Variants in TTN observed in about 807,000 individuals in gnomAD.
The protein encoded by TTN is titin, also known as connectin.
TTN carries 1,525 observed loss-of-function variants against 3,223.0 expected under a neutral mutation model. That is an observed-to-expected ratio of 0.47 (90% CI 0.45 to 0.49). The LOEUF (loss-of-function observed/expected upper bound fraction) is 0.49, where lower values mean the gene tolerates loss of function less well. TTN is among the 20% of genes least tolerant of loss of function. TTN has a pLI of 0.00. For missense variants in TTN, 40,786 were observed against 43,424.0 expected (o/e 0.94, Z 5.40); for synonymous variants, 14,094 against 15,161.0 (o/e 0.93, Z 5.17).
rs761994900 is a variant in TTN, at chr2:178,540,195, A to C, written c.97971T>G (p.Ile32657Met). ...GTAGGTGTGTTAGAGTATACTCTCG[A>C]ATCTTGGTTGGAGTGGTGTTACACT... ...WTKCNTTPTK[I>M]REYTLTHLPQ... The change falls in exon 351 of 363, where the codon ATT becomes ATG. Residue 32657 changes from isoleucine (I) to methionine (M), a missense_variant. By Grantham distance (10) the Ile-to-Met change is conservative (BLOSUM62 1). Transcript: ENST00000589042. The C allele has an allele frequency of 2.5e-6, 4 of 1,613,764 alleles. No individual in the cohort carries two copies. Among genetic ancestry groups the C allele is most frequent in the Non-Finnish European group, 3.4e-6 (4 of 1,179,770 alleles).
Position 178,551,770 on chromosome 2 carries a change from G to A in TTN, c.91130C>T (p.Ser30377Leu). Reference protein sequence around the residue: ...NSILWQKVNTSPISGREYRAT... With the variant: ...NSILWQKVNTLPISGREYRAT... ...TCTATATTCTCTTCCAGAGATTGGT[G>A]ATGTATTAACTTTTTGCCAGAGGAT... The change falls in exon 335 of 363, where the codon TCA becomes TTA. Residue 30377 changes from serine (S) to leucine (L), a missense_variant. Coordinates refer to ENST00000589042, the MANE Select transcript of TTN (RefSeq NM_001267550.2). 1 of 1,613,834 alleles carries A rather than the reference G, an allele frequency of 6.2e-7. No homozygotes were observed. The highest frequency in any genetic ancestry group is 8.5e-7 in the Non-Finnish European group (1 of 1,179,790).
In TTN at chr2:178,617,137, G is replaced by A; in HGVS notation, c.47858C>T (p.Thr15953Ile). 2 of 1,609,352 alleles carry A rather than the reference G, an allele frequency of 1.2e-6. No individual in the cohort carries two copies. The highest frequency in any genetic ancestry group is 1.7e-6 in the Non-Finnish European group (2 of 1,177,608). Residue 15953 changes from threonine (T) to isoleucine (I), a missense_variant, in exon 255 of 363, where the codon ACC (threonine) becomes ATC (isoleucine). Physicochemically the swap from Thr to Ile is moderately conservative, Grantham distance 89 (BLOSUM62 -1). Coordinates refer to ENST00000589042, the MANE Select transcript of TTN (RefSeq NM_001267550.2). Reference sequence around the variant, plus strand: ...CTATTTACCAAATGCATCGTCAGCGGTGAGAGGACCAAGAATTTCAGATGG... The same window carrying A: ...CTATTTACCAAATGCATCGTCAGCGATGAGAGGACCAAGAATTTCAGATGG... ...SDPSEILGPL[T>I]ADDAFVEPTM...
intron 96 of TTN, among the ~76,000 whole-genome samples, chr2:178,711,730 C>G (rs2076686394): frequency 6.6e-6 from 1 of 152,086 alleles, no homozygotes; most frequent in Non-Finnish European, 1.5e-5. Context: ...ATTATAGAAG[C>G]AAATGATTGC....
At chr2:178,783,809 CA>C (rs2092969724) in intron 16 of TTN, 24 bp from the exon 17 acceptor site, 1 of 1,595,510 alleles carries the variant, frequency 6.3e-7, no homozygotes, top group Admixed American at 1.7e-5. Context: ...AATTATATTA[CA>C]AAATGCTCAT....
chr2:178,605,759 C>A, intron 278 of TTN, 46 bp from the exon 279 acceptor site: 1 of 1,365,224 alleles, frequency 7.3e-7, no homozygotes, highest in South Asian at 2.1e-5. Context: ...GATAAATATT[C>A]ATGTAAGAAA....
chr2:178,609,663 A>G, intron 272 of TTN, 21 bp downstream of exon 272: 6 of 1,556,072 alleles, frequency 3.9e-6, no homozygotes, highest in Middle Eastern at 3.5e-4. Context: ...GAAAGTGGCA[A>G]CTCCATGAAA....
In TTN at chr2:178,620,297, A is replaced by G. The variant is rs775152614; in HGVS notation, c.46224T>C (p.Ala15408=). The G allele has an allele frequency of 6.4e-7, 1 of 1,564,696 alleles. No individual in the cohort carries two copies. The highest frequency in any genetic ancestry group is 8.7e-7 in the Non-Finnish European group (1 of 1,155,602). The change falls in exon 248 of 363, where the codon GCT becomes GCC. Residue 15408 remains alanine, a synonymous_variant. Coordinates refer to ENST00000589042, the MANE Select transcript of TTN (RefSeq NM_001267550.2). ...CTCTGGAGAGCTGGCAGGAGAAGAC[A>G]GCGTCATCGAACTCAGTGACTGTCT... ...EDQTVTEFDD[A]VFSCQLSREK...
In TTN at chr2:178,555,119, G is replaced by C. The variant is rs140201636; in HGVS notation, c.88340C>G (p.Thr29447Arg). The C allele has an allele frequency of 1.4e-4, 222 of 1,613,188 alleles. 1 individual carries two copies. In the African/African-American group the frequency reaches 2.7e-3, roughly 20 times the overall value. Residue 29447 changes from threonine to arginine, a missense_variant, in exon 331 of 363, where the codon ACA becomes AGA. By Grantham distance (71) the Thr-to-Arg change is moderately conservative. Transcript: ENST00000589042. ...ACCTGCTCTGTATTTGACAACTTCT[G>C]TATATTCTAGAGGCAAATCAATTAC... Reference protein sequence around the residue: ...GPVIDLPLEYTEVVKYRAGTS... With the variant: ...GPVIDLPLEYREVVKYRAGTS...
At position 178,773,498 on chromosome 2, in the gene TTN, C is replaced by G; in HGVS notation, c.7558G>C (p.Gly2520Arg). Residue 2520 changes from glycine (G) to arginine (R), a missense_variant, in exon 32 of 363, where the codon GGC (glycine) becomes CGC (arginine). By Grantham distance (125) the Gly-to-Arg change is moderately radical. Transcript: ENST00000589042. The part of the protein sequence containing the change: ...SDEGPYKLIV[G>R]RVETNCNLSV... Reference sequence around the variant, plus strand: ...AGATTACAGTTGGTTTCAACTCTGCCAACTATCAGCTTGTAAGGTCCTTCG... The same window carrying G: ...AGATTACAGTTGGTTTCAACTCTGCGAACTATCAGCTTGTAAGGTCCTTCG... 2 of 1,613,968 alleles carry G rather than the reference C, an allele frequency of 1.2e-6. No homozygotes were observed. Among genetic ancestry groups the G allele is most frequent in the Non-Finnish European group, 1.7e-6 (2 of 1,179,944 alleles).
At position 178,608,239 on chromosome 2, in the gene TTN, A is replaced by C. The variant is rs1490235327; in HGVS notation, c.52644T>G (p.Asn17548Lys). The change falls in exon 275 of 363, where the codon AAT becomes AAG. Residue 17548 changes from asparagine to lysine, a missense_variant. By Grantham distance (94) the Asn-to-Lys change is moderately conservative (BLOSUM62 0). Coordinates refer to ENST00000589042, the MANE Select transcript of TTN (RefSeq NM_001267550.2). ...GACTGAACTTTCCAGGTCCAGCTGC[A>C]TTTTCAGCACATACTCTGAAGACAT... Reference protein sequence around the residue: ...LTYVFRVCAENAAGPGKFSPP... With the variant: ...LTYVFRVCAEKAAGPGKFSPP... 6.2e-7 allele frequency: 1 copy of C among 1,607,418 alleles called. No homozygotes were observed. Among genetic ancestry groups the C allele is most frequent in the Non-Finnish European group, 8.5e-7 (1 of 1,176,176 alleles).
rs1276178208 is a variant in TTN, at chr2:178,652,539, G to A, written c.39046C>T (p.Pro13016Ser). ...GGAACAACTTCTTTCGGAGCCTCTGGCACTTAAAAGATATTAGTGAAATTA... is the reference window on the plus strand; with the variant it reads ...GGAACAACTTCTTTCGGAGCCTCTGACACTTAAAAGATATTAGTGAAATTA... ...KKPEVPPVKV[P>S]EAPKEVVPEK... The change falls in exon 202 of 363, where the codon CCA becomes TCA. Residue 13016 changes from proline to serine, a missense_variant and splice_region_variant. By Grantham distance (74) the Pro-to-Ser change is moderately conservative. Transcript: ENST00000589042. 10 of 1,613,228 alleles carry A rather than the reference G, an allele frequency of 6.2e-6. No homozygotes were observed. The highest frequency in any genetic ancestry group is 1.1e-5 in the South Asian group (1 of 91,064).
chr2:178,599,602 C>T lies in TTN; in HGVS notation c.56299G>A (p.Val18767Ile), dbSNP rs1275550493. ...TTTGATGCTGTTCCCAGATTATTTA[C>T]AGCTGTGATGGTATATAAGCCAGTG... ...SDTGLYTITA[V>I]NNLGTASKEM... Residue 18767 changes from valine to isoleucine, a missense_variant, in exon 289 of 363, where the codon GTA becomes ATA. Coordinates refer to ENST00000589042, the MANE Select transcript of TTN (RefSeq NM_001267550.2). The T allele has an allele frequency of 1.2e-6, 2 of 1,604,508 alleles. No homozygotes were observed. The highest frequency in any genetic ancestry group is 2.2e-5 in the East Asian group (1 of 44,712).
In TTN at chr2:178,707,817, G is replaced by C; in HGVS notation, c.28754-4C>G. 4 of 1,571,544 alleles carry C rather than the reference G, an allele frequency of 2.5e-6. No homozygotes were observed. Among genetic ancestry groups the C allele is most frequent in the Non-Finnish European group, 3.5e-6 (4 of 1,156,696 alleles). On this transcript the variant is annotated splice_polypyrimidine_tract_variant and splice_region_variant and intron_variant, in intron 99 of 362. Coordinates refer to ENST00000589042, the MANE Select transcript of TTN (RefSeq NM_001267550.2). ...AATACAGGTGGCTTCTTAGGTTCTG[G>C]AATTGAAAAGGTATTTTCATGAGGA...
Position 178,543,343 on chromosome 2 carries a change from T to C in TTN, c.96630A>G (p.Glu32210=). Reference sequence around the variant, plus strand: ...CAGTGGATTTGGTGACATCGACCACTTCTAGCTTTGCAGGCACCAAAGGCA... The same window carrying C: ...CAGTGGATTTGGTGACATCGACCACCTCTAGCTTTGCAGGCACCAAAGGCA... ...SEVPLVPAKL[E]VVDVTKSTVT... The change falls in exon 347 of 363, where the codon GAA becomes GAG. Residue 32210 remains glutamate, a synonymous_variant. Coordinates refer to ENST00000589042, the MANE Select transcript of TTN (RefSeq NM_001267550.2). 6.2e-7 allele frequency: 1 copy of C among 1,613,892 alleles called. No homozygotes were observed. The highest frequency in any genetic ancestry group is 1.1e-5 in the South Asian group (1 of 91,082).
chr2:178,532,487 A>G lies in TTN; in HGVS notation c.104128T>C (p.Tyr34710His). 6.8e-6 allele frequency: 11 copies of G among 1,614,016 alleles called. No homozygotes were observed. Among genetic ancestry groups the G allele is most frequent in the Non-Finnish European group, 9.3e-6 (11 of 1,179,874 alleles). The change falls in exon 358 of 363, where the codon TAC becomes CAC. Residue 34710 changes from tyrosine (Y) to histidine (H), a missense_variant. Physicochemically the swap from Tyr to His is moderately conservative, Grantham distance 83. Coordinates refer to ENST00000589042, the MANE Select transcript of TTN (RefSeq NM_001267550.2). Reference protein sequence around the residue: ...PPHFELSSLRYSSPQAHVKVE... With the variant: ...PPHFELSSLRHSSPQAHVKVE... ...TTGACATGAGCTTGTGGTGAAGAGT[A>G]ACGTAGGCTAGAAAGCTCAAAGTGT...
Position 178,775,843 on chromosome 2 carries a change from C to G in TTN, c.6021G>C (p.Glu2007Asp). 1.2e-6 allele frequency: 2 copies of G among 1,614,064 alleles called. No homozygotes were observed. Reference sequence around the variant, plus strand: ...CAGCGGTAATGGCTTCATAATAGCCCTCTTCTGTTCTGCGCTTGAATTTAC... The same window carrying G: ...CAGCGGTAATGGCTTCATAATAGCCGTCTTCTGTTCTGCGCTTGAATTTAC... Reference protein sequence around the residue: ...LRSKFKRRTEEGYYEAITAVE... With the variant: ...LRSKFKRRTEDGYYEAITAVE... The change falls in exon 28 of 363, where the codon GAG (glutamate) becomes GAC (aspartate). Residue 2007 changes from glutamate (E) to aspartate (D), a missense_variant. Glu to Asp is a conservative substitution (Grantham distance 45). Coordinates refer to ENST00000589042, the MANE Select transcript of TTN (RefSeq NM_001267550.2).
Position 178,566,078 on chromosome 2 carries a change from C to T in TTN, c.80054G>A (p.Gly26685Glu), listed in dbSNP as rs773930240. ...FVTVKVLDTP[G>E]PPQNLAVKEV... ...TTTGACTGCCAAATTCTGTGGTGGT[C>T]CTGGAGTGTCAAGAACTTTCACAGT... Residue 26685 changes from glycine to glutamate, a missense_variant, in exon 326 of 363, where the codon GGA becomes GAA. Transcript: ENST00000589042. The T allele has an allele frequency of 6.2e-7, 1 of 1,613,602 alleles. No individual in the cohort carries two copies. Among genetic ancestry groups the T allele is most frequent in the Non-Finnish European group, 8.5e-7 (1 of 1,179,670 alleles).
chr2:178,724,619 C>G, intron 71 of TTN, 81 bp from the exon 72 acceptor site: 1 of 1,398,246 alleles, frequency 7.2e-7, no homozygotes, highest in South Asian at 1.9e-5. Context: ...AAGATTGTTT[C>G]TCCCAGTGAG....
rs1350676942 is a variant in TTN, at chr2:178,718,386, C to T, written c.24720G>A (p.Gln8240=). ...CCTCATTTTCTATCAGGCAGCTGTA[C>T]TGTGCATAATCCTCTATTGTGCTCT... ...ILESTIEDYA[Q]YSCLIENEAG... The change falls in exon 85 of 363, where the codon CAG becomes CAA. Residue 8240 remains glutamine, a synonymous_variant. Coordinates refer to ENST00000589042, the MANE Select transcript of TTN (RefSeq NM_001267550.2). The T allele has an allele frequency of 2.5e-6, 4 of 1,613,678 alleles. No individual in the cohort carries two copies. The highest frequency in any genetic ancestry group is 3.4e-6 in the Non-Finnish European group (4 of 1,179,752).
Sources: allele counts gnomAD v4.1 joint callset (sites outside exome capture counted in the v4.1 genomes callset), GRCh38; gene constraint gnomAD v4.1.1; transcripts MANE v1.5; gene names NCBI Gene and HGNC (gene_info 2026-07-23, HGNC 2026-07-21).